The following IRAG2 variants were observed in gnomAD, a reference collection of about 807,000 sequenced individuals.
IRAG2 encodes the protein inositol 1,4,5-triphosphate receptor associated 2.
Under a neutral mutation model 69.9 loss-of-function variants are expected in IRAG2, and 45 were observed. The observed-to-expected ratio is 0.64, with a 90% confidence interval of 0.51 to 0.83. The LOEUF (loss-of-function observed/expected upper bound fraction) is 0.83. IRAG2 is among the 40% of genes least tolerant of loss of function. The pLI is 0.00. For synonymous variants in IRAG2, 193 were observed against 202.4 expected, an observed-to-expected ratio of 0.95 and a Z score of 0.40; for missense variants, 520 against 587.0, an observed-to-expected ratio of 0.89 and a Z score of 1.18.
rs1315288991 is a variant in IRAG2 at position 25,108,180 on chromosome 12, A to AAGAT, written c.*123_*126dup. 1.1e-5 allele frequency: 12 copies of AAGAT among 1,123,140 alleles called. No homozygotes were observed. In the African/African-American group the frequency reaches 1.6e-4, roughly 15 times the overall value. 69.6% of individuals were successfully genotyped at this position (1,123,140 alleles called of 1,614,324 possible). On this transcript the variant is annotated 3_prime_UTR_variant, in exon 22 of 22. Coordinates refer to ENST00000556887, the MANE Select transcript of IRAG2 (RefSeq NM_001366544.2). ...AACCAGAGGTTCTCAGAATGACTGTAAGATAGCTTACATTTCCTCTTTTTG... is the reference window on the plus strand; with the variant it reads ...AACCAGAGGTTCTCAGAATGACTGTAAGATAGATAGCTTACATTTCCTCTTTTTG...
At chr12:25,104,638 T>G (rs1011221818) in intron 20 of IRAG2, among the ~76,000 whole-genome samples, 176 bp downstream of exon 20, 8 of 152,198 alleles carry the variant, frequency 5.3e-5, no homozygotes, top group African/African-American at 1.9e-4. Context: ...TATTAATACA[T>G]TCACTCTCAT....
chr12:25,018,482 A>C (rs1354734513), intron 6 of IRAG2, among the ~76,000 whole-genome samples: 3 of 152,096 alleles, frequency 2.0e-5, no homozygotes, highest in South Asian at 4.1e-4. Flanking sequence ...CTGGGATTAC[A>C]GGAGGGGGAG....
intron 6 of IRAG2, among the ~76,000 whole-genome samples, chr12:25,018,966 T>G (rs892127877): frequency 2.0e-5 from 3 of 152,222 alleles, no homozygotes; most frequent in Admixed American, 6.5e-5. Context: ...TAATTTGTTT[T>G]CTGTATTAAC....
At chr12:25,038,338 G>A (rs944423068) in intron 16 of IRAG2, among the ~76,000 whole-genome samples, 2 of 152,014 alleles carry the variant, frequency 1.3e-5, no homozygotes, top group African/African-American at 4.8e-5. Flanking sequence ...TGCAAATGAC[G>A]AACTATAAAA....
intron 3 of IRAG2, chr12:25,015,112 A>AAAAAAAAAAAAAAG (rs1555125446): frequency 8.3e-6 from 3 of 360,090 alleles, no homozygotes; most frequent in Admixed American, 6.7e-5. Flanking sequence ...AAAAAAAAAA[A>AAAAAAAAAAAAAAG]GACAAAACTT....
At chr12:24,999,435 G>T (rs1044166391), upstream of IRAG2, among the ~76,000 whole-genome samples, 6 of 152,154 alleles carry the variant, frequency 3.9e-5, no homozygotes, top group Non-Finnish European at 1.5e-5. Flanking sequence ...GATAATTGAG[G>T]CAATAATAAT....
chr12:25,052,166 C>A (rs1944890639), upstream of IRAG2: 1 of 390,100 alleles, frequency 2.6e-6, no homozygotes, highest in African/African-American at 2.1e-5. Flanking sequence ...CACAGGGTGA[C>A]TCTTAGTTGA....
At chr12:25,077,241 A>AT in intron 6 of IRAG2, among the ~76,000 whole-genome samples, 1 of 66,502 alleles carries the variant, frequency 1.5e-5, no homozygotes, top group Non-Finnish European at 3.4e-5. Flanking sequence ...TATATATATG[A>AT]AATATATATA....
intron 1 of IRAG2, among the ~76,000 whole-genome samples, chr12:25,054,406 T>C (rs890765371): frequency 4.6e-5 from 7 of 152,234 alleles, no homozygotes; most frequent in African/African-American, 1.4e-4. Context: ...ATCAATATTA[T>C]ACCTGAGTTT....
intron 6 of IRAG2, chr12:25,017,409 A>G (rs1468917482): frequency 7.1e-6 from 7 of 979,256 alleles, no homozygotes; most frequent in Non-Finnish European, 9.2e-6. Context: ...AAAGTATACA[A>G]TTCAGTGTTT....
At chr12:25,067,991 C>T (rs1946097801) in intron 5 of IRAG2, among the ~76,000 whole-genome samples, 1 of 152,152 alleles carries the variant, frequency 6.6e-6, no homozygotes, top group South Asian at 2.1e-4. Context: ...CAGGCCCTTG[C>T]CACCATGCCC....
intron 15 of IRAG2, 199 bp from the exon 16 acceptor site, chr12:25,100,979 C>T: frequency 2.3e-6 from 1 of 427,286 alleles, no homozygotes. Context: ...TGCCACTAGT[C>T]CTTCTATCCA....
upstream of IRAG2, among the ~76,000 whole-genome samples, chr12:25,002,069 CT>C (rs530158978): frequency 7.8e-4 from 119 of 152,214 alleles, 2 homozygotes; most frequent in African/African-American, 2.6e-3. Flanking sequence ...GCCTTAACTA[CT>C]GTTTTATAAG....
intron 9 of IRAG2, among the ~76,000 whole-genome samples, chr12:25,082,689 T>C (rs1947307945): frequency 6.6e-6 from 1 of 152,110 alleles, no homozygotes; most frequent in African/African-American, 2.4e-5. Context: ...TGTATAGCTG[T>C]GAAGAAATTG....
intron 15 of IRAG2, among the ~76,000 whole-genome samples, chr12:25,100,000 G>GAAAAA (rs56728551): frequency 1.6e-4 from 4 of 25,674 alleles, no homozygotes; most frequent in African/African-American, 1.1e-3. Flanking sequence ...GACTCCATCT[G>GAAAAA]AAAAAAAAAA....
chr12:25,076,696 T>C lies in IRAG2; in HGVS notation c.25-2548T>C, dbSNP rs1295468137. The C allele has an allele frequency of 1.4e-5, 10 of 720,136 alleles. No homozygotes were observed. The Admixed American group carries it at 5.7e-4, about 41-fold the overall frequency. The allele number at this position is 720,136 out of a possible 1,614,324, so 44.6% of individuals were successfully genotyped here. A position where few individuals can be genotyped will look rare whatever the true frequency, so the allele number is the denominator to read the frequency against. ...GTAGTGTTTTTTAGTTATAGTGCAA[T>C]AATAAATGTTATTTCATGCTACAGA... On this transcript the variant is annotated intron_variant, in intron 6 of 21. Coordinates refer to ENST00000556887, the MANE Select transcript of IRAG2 (RefSeq NM_001366544.2).
chr12:25,081,620 C>T (rs947481293), intron 9 of IRAG2, among the ~76,000 whole-genome samples: 7 of 152,134 alleles, frequency 4.6e-5, no homozygotes, highest in Admixed American at 3.3e-4. Flanking sequence ...TCCTCTGATA[C>T]AACTATTCAT....
At chr12:25,099,960 ATTG>A (rs1948650810) in intron 15 of IRAG2, among the ~76,000 whole-genome samples, 1 of 127,504 alleles carries the variant, frequency 7.8e-6, no homozygotes, top group South Asian at 2.8e-4. Context: ...AGATCGTGCC[ATTG>A]CACTCCAGCC....
At chr12:25,079,145 G>A in intron 6 of IRAG2, 99 bp from the exon 7 acceptor site, 2 of 1,184,246 alleles carry the variant, frequency 1.7e-6, no homozygotes, top group Admixed American at 1.7e-5. Context: ...GTAAATATGG[G>A]TTCATTTAGA....
Sources: allele counts gnomAD v4.1 joint callset (sites outside exome capture counted in the v4.1 genomes callset), GRCh38; gene constraint gnomAD v4.1.1; transcripts MANE v1.5; gene names NCBI Gene and HGNC (gene_info 2026-07-23, HGNC 2026-07-21).